ZCCHC8: variants seen among roughly 807,000 people sequenced by gnomAD.
ZCCHC8 encodes zinc finger CCHC-type containing 8.
A neutral mutation model predicts 70.6 loss-of-function variants in ZCCHC8; 27 were observed. The observed-to-expected ratio is 0.38, with a 90% CI of 0.28 to 0.53. The LOEUF (loss-of-function observed/expected upper bound fraction) is 0.53, where lower values mean the gene tolerates loss of function less well. Ranked by LOEUF, ZCCHC8 falls within the 20% of genes least tolerant of loss-of-function variation. The probability of loss-of-function intolerance (pLI) is 0.81; values close to 1 mark genes in which losing one functional copy is unlikely to be tolerated. For synonymous variants in ZCCHC8, 293 were observed against 317.4 expected (o/e 0.92, Z 0.82); for missense variants, 737 against 876.9 (o/e 0.84, Z 2.01).
chr12:122,493,834 C>T lies in ZCCHC8; in HGVS notation c.243-1045G>A, dbSNP rs573695835. 8.5e-5 allele frequency among the ~76,000 whole-genome samples: 13 copies of T among 152,066 alleles called. No individual in the cohort carries two copies. The East Asian group carries it at 2.5e-3, about 30-fold the overall frequency. Reference sequence around the variant, plus strand: ...TTCACCACGTTAGCTAGGATGGTCTCGATCTCCTGACCTCGTGATCTGCCC... The same window carrying T: ...TTCACCACGTTAGCTAGGATGGTCTTGATCTCCTGACCTCGTGATCTGCCC... On this transcript the variant is annotated intron_variant, in intron 2 of 13. Coordinates refer to ENST00000633063, the MANE Select transcript of ZCCHC8 (RefSeq NM_017612.5).
At chr12:122,482,298 T>C (rs1957551807) in intron 8 of ZCCHC8, 1 of 479,152 alleles carries the variant, frequency 2.1e-6, no homozygotes, top group African/African-American at 2.0e-5. Flanking sequence ...TAAATCAAGT[T>C]TTTAGGATAA....
intron 13 of ZCCHC8, among the ~76,000 whole-genome samples, chr12:122,475,750 C>T (rs1032660192): frequency 1.3e-5 from 2 of 152,200 alleles, no homozygotes; most frequent in South Asian, 4.1e-4. Context: ...TAACCTTTCC[C>T]ATCTCCATTG....
Position 122,490,499 on chromosome 12 carries a change from T to C in ZCCHC8, c.386A>G (p.Asn129Ser), listed in dbSNP as rs1189345673. 1.9e-6 allele frequency: 3 copies of C among 1,612,526 alleles called. No homozygotes were observed. The highest frequency in any genetic ancestry group is 2.2e-5 in the East Asian group (1 of 44,840). Reference sequence around the variant, plus strand: ...ATTAAAGGAAGTCTTTTCCACATCATTTTTCTGCTGTTCCTCAAATCTTTT... The same window carrying C: ...ATTAAAGGAAGTCTTTTCCACATCACTTTTCTGCTGTTCCTCAAATCTTTT... ...LVKRFEEQQK[N>S]DVEKTSFNLL... Residue 129 changes from asparagine to serine, a missense_variant, in exon 4 of 14, where the codon AAT (asparagine) becomes AGT (serine). Asn to Ser is a conservative substitution (Grantham distance 46, BLOSUM62 1). Transcript: ENST00000633063.
At chr12:122,490,424 T>G in intron 4 of ZCCHC8, 38 bp downstream of exon 4, 1 of 1,516,704 alleles carries the variant, frequency 6.6e-7, no homozygotes, top group Non-Finnish European at 9.1e-7. Context: ...GTGAAACGCA[T>G]AACTTACTAA....
At chr12:122,490,335 C>CA in intron 4 of ZCCHC8, 127 bp downstream of exon 4, 2 of 739,560 alleles carry the variant, frequency 2.7e-6, no homozygotes, top group Non-Finnish European at 4.5e-6. Flanking sequence ...AAAAGCAAGC[C>CA]AGTAGAAGGA....
chr12:122,490,500 T>C lies in ZCCHC8; in HGVS notation c.385A>G (p.Asn129Asp). 6.2e-7 allele frequency: 1 copy of C among 1,612,948 alleles called. No homozygotes were observed. The highest frequency in any genetic ancestry group is 8.5e-7 in the Non-Finnish European group (1 of 1,179,414). Residue 129 changes from asparagine to aspartate, a missense_variant, in exon 4 of 14, where the codon AAT (asparagine) becomes GAT (aspartate). Asn to Asp is a conservative substitution (Grantham distance 23). Transcript: ENST00000633063. Reference protein sequence around the residue: ...LVKRFEEQQKNDVEKTSFNLL... With the variant: ...LVKRFEEQQKDDVEKTSFNLL... ...TTAAAGGAAGTCTTTTCCACATCAT[T>C]TTTCTGCTGTTCCTCAAATCTTTTT...
intron 5 of ZCCHC8, among the ~76,000 whole-genome samples, chr12:122,487,275 C>T (rs1387439841): frequency 6.6e-6 from 1 of 152,178 alleles, no homozygotes; most frequent in Non-Finnish European, 1.5e-5. Flanking sequence ...CTGCTGTCTC[C>T]CTGGAACCTA....
chr12:122,487,809 T>G lies in ZCCHC8; in HGVS notation c.501+1577A>C, dbSNP rs556949985. Reference sequence around the variant, plus strand: ...GTCTGTGGGCTCTTCATCATCCCAGTAGGCCCATATCTCTTTCTTTTTTAT... The same window carrying G: ...GTCTGTGGGCTCTTCATCATCCCAGGAGGCCCATATCTCTTTCTTTTTTAT... On this transcript the variant is annotated intron_variant, in intron 5 of 13. Transcript: ENST00000633063. Among the ~76,000 whole-genome samples, 5 of 152,304 alleles carry G rather than the reference T, an allele frequency of 3.3e-5. No homozygotes were observed. In the East Asian group the frequency reaches 9.6e-4, roughly 29 times the overall value.
In ZCCHC8 at chr12:122,483,335, T is replaced by C. The variant is rs781745078; in HGVS notation, c.615A>G (p.Gln205=). 2 of 1,597,572 alleles carry C rather than the reference T, an allele frequency of 1.3e-6. No homozygotes were observed. Among genetic ancestry groups the C allele is most frequent in the South Asian group, 1.1e-5 (1 of 88,106 alleles). The part of the protein sequence containing the change: ...SEGWEIPKYH[Q]VFSHIVSLEG... ...CTAGAGAAACAATGTGGCTGAAGAC[T>C]TGATGGTACCTTTAGTGAATTTTAT... Residue 205 remains glutamine, a synonymous_variant, in exon 7 of 14, where the codon CAA becomes CAG. Transcript: ENST00000633063. The surrounding 1 kb of genome is among the most constrained non-coding windows in gnomAD (Gnocchi z 4.4).
chr12:122,500,583 G>A lies in ZCCHC8; in HGVS notation c.199+59C>T, dbSNP rs12226908. The A allele has an allele frequency of 6.7e-7, 1 of 1,498,668 alleles. No homozygotes were observed. Among genetic ancestry groups the A allele is most frequent in the Non-Finnish European group, 8.9e-7 (1 of 1,123,550 alleles). The allele number at this position is 1,498,668 out of a possible 1,614,324, so 92.8% of individuals were successfully genotyped here. On this transcript the variant is annotated intron_variant, in intron 1 of 13. Coordinates refer to ENST00000633063, the MANE Select transcript of ZCCHC8 (RefSeq NM_017612.5). This position sits in a 1 kb window ranked among gnomAD's most constrained non-coding sequence, Gnocchi z 4.8. ...TCGCCCGGCGCTGCCCCGGCCCCACGCCTGGCGCTGCCCCGGCCCCACACC... is the reference window on the plus strand; with the variant it reads ...TCGCCCGGCGCTGCCCCGGCCCCACACCTGGCGCTGCCCCGGCCCCACACC...
At chr12:122,492,577 T>C in intron 3 of ZCCHC8, 138 bp downstream of exon 3, 1 of 639,770 alleles carries the variant, frequency 1.6e-6, no homozygotes, top group South Asian at 1.9e-5. Flanking sequence ...TTAATCATGA[T>C]TCCTTGTACT....
In ZCCHC8 at chr12:122,483,154, C is replaced by G. The variant is rs985704713; in HGVS notation, c.671+125G>C. ...TAACATATATGTATGGATTAAAATT[C>G]TAGCTCAATCTGTAATTAACCTTAG... is the stretch of plus-strand genomic sequence containing the variant. On this transcript the variant is annotated intron_variant, in intron 7 of 13. Coordinates refer to ENST00000633063, the MANE Select transcript of ZCCHC8 (RefSeq NM_017612.5). The surrounding 1 kb of genome is among the most constrained non-coding windows in gnomAD (Gnocchi z 4.4). 2.3e-6 allele frequency: 2 copies of G among 857,384 alleles called. No individual in the cohort carries two copies. Among genetic ancestry groups the G allele is most frequent in the South Asian group, 1.8e-5 (1 of 56,732 alleles). The allele number at this position is 857,384 out of a possible 1,614,324, so 53.1% of individuals were successfully genotyped here. A position where few individuals can be genotyped will look rare whatever the true frequency, so the allele number is the denominator to read the frequency against.
At chr12:122,488,789 T>TC (rs1957689926) in intron 5 of ZCCHC8, among the ~76,000 whole-genome samples, 1 of 150,636 alleles carries the variant, frequency 6.6e-6, no homozygotes, top group Non-Finnish European at 1.5e-5. Flanking sequence ...GAGAATTGCT[T>TC]GAACCCGGGA....
Position 122,482,677 on chromosome 12 carries a change from G to A in ZCCHC8, c.690C>T (p.Phe230=). ...TTTGGTGTTCTTCAGAACCACAATT[G>A]AAACAGTGAGGCTTTGGCCTATTTG... The part of the protein sequence containing the change: ...VKAKRPKPHC[F]NCGSEEHQMK... The change falls in exon 8 of 14, where the codon TTC becomes TTT. Residue 230 remains phenylalanine (F), a synonymous_variant. Coordinates refer to ENST00000633063, the MANE Select transcript of ZCCHC8 (RefSeq NM_017612.5). 1 of 1,607,670 alleles carries A rather than the reference G, an allele frequency of 6.2e-7. No individual in the cohort carries two copies. The highest frequency in any genetic ancestry group is 1.1e-5 in the South Asian group (1 of 89,610).
At chr12:122,487,142 G>C (rs1412709931) in intron 5 of ZCCHC8, among the ~76,000 whole-genome samples, 2 of 152,180 alleles carry the variant, frequency 1.3e-5, no homozygotes, top group Admixed American at 6.5e-5. Context: ...GAGGCTGTCA[G>C]TCACTATACA....
Position 122,473,368 on chromosome 12 carries a change from G to A in ZCCHC8, c.*129C>T. 1 of 1,091,616 alleles carries A rather than the reference G, an allele frequency of 9.2e-7. No homozygotes were observed. The highest frequency in any genetic ancestry group is 1.3e-6 in the Non-Finnish European group (1 of 777,826). 67.6% of individuals were successfully genotyped at this position (1,091,616 alleles called of 1,614,324 possible). A position where few individuals can be genotyped will look rare whatever the true frequency, so the allele number is the denominator to read the frequency against. On this transcript the variant is annotated 3_prime_UTR_variant, in exon 14 of 14. Coordinates refer to ENST00000633063, the MANE Select transcript of ZCCHC8 (RefSeq NM_017612.5). ...TTTCTTTAAAATAGGCTTGACTTTGGAACATGAACCTTGGATAGATTTTTA... is the reference window on the plus strand; with the variant it reads ...TTTCTTTAAAATAGGCTTGACTTTGAAACATGAACCTTGGATAGATTTTTA...
At chr12:122,485,731 C>T (rs151158235) in intron 5 of ZCCHC8, among the ~76,000 whole-genome samples, 200 of 150,998 alleles carry the variant, frequency 1.3e-3, no homozygotes, top group African/African-American at 4.7e-3. Context: ...AGTGCAGTGG[C>T]GCGATCTCGG....
chr12:122,478,449 G>GAAGGCAAACT (rs1323891233), intron 11 of ZCCHC8, 157 bp from the exon 12 acceptor site: 3 of 613,994 alleles, frequency 4.9e-6, no homozygotes, highest in Non-Finnish European at 8.5e-6. Context: ...ATAATGTGTT[G>GAAGGCAAACT]AAGGAAAACT....
In ZCCHC8 at chr12:122,480,161, T is replaced by C. The variant is rs10846978; in HGVS notation, c.1140+29A>G. On this transcript the variant is annotated intron_variant, in intron 11 of 13. Transcript: ENST00000633063. ...TTTAACATAATAATATCACATCACA[T>C]GATAATTTAAAAAAATCAATATACT... 0.76 allele frequency: 1,147,778 copies of C among 1,513,656 alleles called. 437,183 individuals carry two copies. Among genetic ancestry groups the C allele is most frequent in the African/African-American group, 0.88 (63,872 of 72,294 alleles). 93.8% of individuals were successfully genotyped at this position (1,513,656 alleles called of 1,614,324 possible).
Sources: gnomAD v4.1 joint callset for allele counts (sites outside exome capture counted in the v4.1 genomes callset) on GRCh38, gnomAD v4.1.1 for gene constraint, Gnocchi (gnomAD v3.1) non-coding constraint, MANE v1.5 for transcripts, NCBI Gene and HGNC (gene_info 2026-07-23, HGNC 2026-07-21) for gene names.